SEPTIN10: variants seen among roughly 807,000 people sequenced by gnomAD.
SEPTIN10 encodes the protein septin 10.
SEPTIN10 carries 66 observed loss-of-function variants against 54.8 expected under a neutral mutation model. The observed-to-expected ratio is 1.21, with a 90% CI of 0.99 to 1.48. SEPTIN10 has a LOEUF of 1.48. Among genes scored for constraint, SEPTIN10 ranks in the 40% most tolerant of loss-of-function variants. The pLI is 0.00. For synonymous variants in SEPTIN10, 161 were observed against 181.0 expected, an observed-to-expected ratio of 0.89 and a Z score of 0.89; for missense variants, 620 against 545.6, an observed-to-expected ratio of 1.14 and a Z score of -1.36.
chr2:109,562,560 C>T (rs1685953312), intron 8 of SEPTIN10, among the ~76,000 whole-genome samples: 1 of 152,144 alleles, frequency 6.6e-6, no homozygotes, highest in African/African-American at 2.4e-5. Flanking sequence ...TTCTAGGCTT[C>T]ATCCCTGGAA....
chr2:109,608,175 C>T (rs1698430289), intron 1 of SEPTIN10, among the ~76,000 whole-genome samples: 1 of 152,230 alleles, frequency 6.6e-6, no homozygotes. Flanking sequence ...TAATTTAGAG[C>T]TCAAGGCAAT....
At chr2:109,578,902 A>T (rs184220919) in intron 4 of SEPTIN10, among the ~76,000 whole-genome samples, 56 of 152,368 alleles carry the variant, frequency 3.7e-4, no homozygotes, top group African/African-American at 1.2e-3. Context: ...GAGAAATTGG[A>T]ACAAAACTCC....
chr2:109,598,252 G>C (rs1180697155), intron 1 of SEPTIN10, among the ~76,000 whole-genome samples: 1 of 151,794 alleles, frequency 6.6e-6, no homozygotes, highest in South Asian at 2.1e-4. Flanking sequence ...ATTTTTATTA[G>C]AGACAGGGTT....
chr2:109,569,333 C>A (rs142866983), intron 5 of SEPTIN10, among the ~76,000 whole-genome samples: 140 of 151,050 alleles, frequency 9.3e-4, no homozygotes, highest in African/African-American at 3.4e-3. Flanking sequence ...CGGTAGGCTG[C>A]GGCAGAAGAA....
chr2:109,566,853 C>G (rs1302857343), intron 6 of SEPTIN10, among the ~76,000 whole-genome samples: 4 of 151,988 alleles, frequency 2.6e-5, no homozygotes, highest in African/African-American at 9.7e-5. Context: ...GGGGAAAAGT[C>G]TAATGTAAAA....
intron 4 of SEPTIN10, among the ~76,000 whole-genome samples, chr2:109,583,869 A>C (rs2105743669): frequency 6.6e-6 from 1 of 152,328 alleles, no homozygotes; most frequent in East Asian, 1.9e-4. Context: ...CGTTATCCTA[A>C]GCAAATTAAC....
chr2:109,610,631 G>A (rs1699055861), intron 1 of SEPTIN10, among the ~76,000 whole-genome samples: 1 of 152,048 alleles, frequency 6.6e-6, no homozygotes, highest in African/African-American at 2.4e-5. Context: ...TAGGAGAATC[G>A]CTTGAACCAG....
chr2:109,553,070 C>G lies in SEPTIN10; in HGVS notation c.1161+17G>C. ...TCTAAAAAATAAATGCAAATCACAT[C>G]AAACCAGCATACTTGCCTCTCTCTC... is the stretch of plus-strand genomic sequence containing the variant. On this transcript the variant is annotated intron_variant, in intron 9 of 10. Coordinates refer to ENST00000397712, the MANE Select transcript of SEPTIN10 (RefSeq NM_144710.5). The G allele has an allele frequency of 1.9e-6, 3 of 1,607,136 alleles. No homozygotes were observed. Among genetic ancestry groups the G allele is most frequent in the Non-Finnish European group, 2.5e-6 (3 of 1,178,462 alleles).
intron 1 of SEPTIN10, among the ~76,000 whole-genome samples, chr2:109,604,467 C>T (rs1362760302): frequency 1.3e-5 from 2 of 148,246 alleles, no homozygotes; most frequent in Admixed American, 1.4e-4. Context: ...TGGCTGAGGC[C>T]TGTAATCCTA....
intron 9 of SEPTIN10, 169 bp downstream of exon 9, chr2:109,552,918 T>C: frequency 1.4e-6 from 1 of 734,312 alleles, no homozygotes; most frequent in South Asian, 2.4e-5. Context: ...TTCATTTAAT[T>C]TCAGGCTATG....
At chr2:109,590,571 A>G (rs114154979) in intron 2 of SEPTIN10, among the ~76,000 whole-genome samples, 1,797 of 152,182 alleles carry the variant, frequency 0.012, 18 homozygotes, top group South Asian at 0.018. Context: ...AGCTAGGATT[A>G]TAGGTGCTTG....
intron 5 of SEPTIN10, among the ~76,000 whole-genome samples, chr2:109,571,966 A>C (rs188405083): frequency 1.3e-5 from 2 of 152,338 alleles, no homozygotes; most frequent in African/African-American, 2.4e-5. Context: ...CAATATGTAA[A>C]TATCATCAAT....
intron 4 of SEPTIN10, among the ~76,000 whole-genome samples, chr2:109,579,210 T>G (rs1177133989): frequency 1.3e-5 from 2 of 152,192 alleles, no homozygotes; most frequent in African/African-American, 4.8e-5. Flanking sequence ...AAATTATAAC[T>G]TACAAAACTG....
intron 2 of SEPTIN10, among the ~76,000 whole-genome samples, chr2:109,592,727 C>G (rs1168928660): frequency 6.6e-6 from 1 of 151,114 alleles, no homozygotes; most frequent in Admixed American, 6.6e-5. Context: ...TTGCAGTGAG[C>G]CGAGATCATG....
chr2:109,603,674 A>G (rs1558895976), intron 1 of SEPTIN10, among the ~76,000 whole-genome samples: 1 of 152,196 alleles, frequency 6.6e-6, no homozygotes, highest in Non-Finnish European at 1.5e-5. Flanking sequence ...TACAACTAAA[A>G]ATCTGGAAAA....
chr2:109,605,715 ATGC>A (rs1697787076), intron 1 of SEPTIN10: 1 of 152,212 alleles, frequency 6.6e-6, no homozygotes, highest in Non-Finnish European at 1.5e-5. Flanking sequence ...TCAAATTATA[ATGC>A]TGTATTAGGT....
At chr2:109,565,896 T>C in intron 6 of SEPTIN10, 37 bp from the exon 7 acceptor site, 1 of 1,485,444 alleles carries the variant, frequency 6.7e-7, no homozygotes, top group Non-Finnish European at 9.4e-7. Flanking sequence ...CTCATACCAC[T>C]GTGATAACTG....
At chr2:109,561,128 C>T (rs2105053666) in intron 8 of SEPTIN10, among the ~76,000 whole-genome samples, 1 of 152,308 alleles carries the variant, frequency 6.6e-6, no homozygotes, top group South Asian at 2.1e-4. Context: ...CCTGCCTGTT[C>T]TCTTCTCTCA....
intron 5 of SEPTIN10, among the ~76,000 whole-genome samples, chr2:109,571,461 A>G (rs139351053): frequency 2.4e-3 from 372 of 152,342 alleles, no homozygotes; most frequent in Non-Finnish European, 2.9e-3. Flanking sequence ...ATGTAACTAT[A>G]CTGGATACTG....
Sources: allele counts gnomAD v4.1 joint callset (sites outside exome capture counted in the v4.1 genomes callset), GRCh38; gene constraint gnomAD v4.1.1; transcripts MANE v1.5; gene names NCBI Gene and HGNC (gene_info 2026-07-23, HGNC 2026-07-21).